LRRK1: variants seen among roughly 807,000 people sequenced by gnomAD.
LRRK1 encodes leucine rich repeat kinase 1.
In LRRK1, 113 loss-of-function variants were observed where a neutral mutation model predicts 209.1. The ratio of observed to expected loss-of-function variants is 0.54; its 90% CI spans 0.46 to 0.63. LRRK1 has a LOEUF of 0.63. Among genes scored for constraint, LRRK1 ranks in the 30% least tolerant of loss-of-function variants. LRRK1 has a pLI of 0.00. For synonymous variants in LRRK1, 1,144 were observed against 1,099.7 expected (o/e 1.04, Z -0.80); for missense variants, 2,284 against 2,632.2 (o/e 0.87, Z 2.89).
intron 2 of LRRK1, among the ~76,000 whole-genome samples, chr15:100,954,685 G>T (rs2042718510): frequency 1.3e-5 from 2 of 152,084 alleles, no homozygotes; most frequent in African/African-American, 4.8e-5. Flanking sequence ...ATAAGATATG[G>T]GTCCAATTTC....
rs917914001 is a variant in LRRK1, at chr15:101,021,288, T to G, written c.1739+106T>G. 4 of 1,268,422 alleles carry G rather than the reference T, an allele frequency of 3.2e-6. No individual in the cohort carries two copies. In the African/African-American group the frequency reaches 6.0e-5, roughly 19 times the overall value. The allele number at this position is 1,268,422 out of a possible 1,614,324, so 78.6% of individuals were successfully genotyped here. On this transcript the variant is annotated intron_variant, in intron 13 of 33. Coordinates refer to ENST00000388948, the MANE Select transcript of LRRK1 (RefSeq NM_024652.6). Reference sequence around the variant, plus strand: ...CAGAAAGCCAGGCAGAAAGAAGCCATCTACTTTCCAAGAAGCAGTAGTGAG... The same window carrying G: ...CAGAAAGCCAGGCAGAAAGAAGCCAGCTACTTTCCAAGAAGCAGTAGTGAG...
chr15:101,032,852 C>G (rs1046064673), intron 20 of LRRK1, among the ~76,000 whole-genome samples: 2 of 152,184 alleles, frequency 1.3e-5, no homozygotes, highest in African/African-American at 4.8e-5. Flanking sequence ...AATATATATG[C>G]CTATCCTTAT....
chr15:101,049,088 G>A (rs529520513), intron 22 of LRRK1, among the ~76,000 whole-genome samples: 7 of 152,296 alleles, frequency 4.6e-5, no homozygotes, highest in African/African-American at 1.4e-4. Flanking sequence ...AACCAGACAC[G>A]GAACTCAGCT....
intron 20 of LRRK1, among the ~76,000 whole-genome samples, chr15:101,033,696 T>G (rs922617363): frequency 6.6e-6 from 1 of 152,204 alleles, no homozygotes; most frequent in African/African-American, 2.4e-5. Flanking sequence ...GTTCCTTATC[T>G]TTGCTATTTT....
In LRRK1 at chr15:101,078,013, A is replaced by G; in HGVS notation, c.*9165A>G. The G allele has an allele frequency of 6.4e-6, 1 of 155,516 alleles. No homozygotes were observed. The highest frequency in any genetic ancestry group is 1.4e-5 in the Non-Finnish European group (1 of 70,378). 9.6% of individuals were successfully genotyped at this position (155,516 alleles called of 1,614,324 possible). A position where few individuals can be genotyped will look rare whatever the true frequency, so the allele number is the denominator to read the frequency against. ...AGTGTAAATGGCTGGTTCTTGCCTT[A>G]AGTGATGACATTACCTTGTGAAAGT... On this transcript the variant is annotated 3_prime_UTR_variant, in exon 34 of 34. Coordinates refer to ENST00000388948, the MANE Select transcript of LRRK1 (RefSeq NM_024652.6).
chr15:101,021,428 C>T (rs2033780345), intron 13 of LRRK1, among the ~76,000 whole-genome samples: 2 of 152,196 alleles, frequency 1.3e-5, no homozygotes, highest in African/African-American at 4.8e-5. Flanking sequence ...ACCACTCAAT[C>T]ATTCATCCTT....
rs1189823477 is a variant in LRRK1 at position 101,027,777 on chromosome 15, A to G, written c.2666A>G (p.Asp889Gly). The change falls in exon 19 of 34, where the codon GAC becomes GGC. Residue 889 changes from aspartate to glycine, a missense_variant. By Grantham distance (94) the Asp-to-Gly change is moderately conservative. Coordinates refer to ENST00000388948, the MANE Select transcript of LRRK1 (RefSeq NM_024652.6). This position sits in a 1 kb window ranked among gnomAD's most constrained non-coding sequence, Gnocchi z 5.1. ...VEQTPDNDIK[D>G]YEDLQSAISF... ...CAGACGCCCGACAACGACATCAAGG[A>G]CTACGAGGACCTGCAGTCAGGTGGG... The G allele has an allele frequency of 9.4e-6, 15 of 1,591,108 alleles. No homozygotes were observed. The highest frequency in any genetic ancestry group is 1.3e-5 in the Non-Finnish European group (15 of 1,168,798).
At chr15:101,023,235 A>C (rs551896131) in intron 15 of LRRK1, among the ~76,000 whole-genome samples, 2 of 152,130 alleles carry the variant, frequency 1.3e-5, no homozygotes, top group South Asian at 4.2e-4. Flanking sequence ...CTTAAAATGA[A>C]TCCATCACTG....
At chr15:101,032,110 GCTTTA>G (rs2034309739) in intron 20 of LRRK1, among the ~76,000 whole-genome samples, 2 of 152,142 alleles carry the variant, frequency 1.3e-5, no homozygotes, top group Admixed American at 6.5e-5. Flanking sequence ...CTTGACTGTG[GCTTTA>G]CTTTACATTT....
intron 4 of LRRK1, among the ~76,000 whole-genome samples, chr15:100,985,396 C>T (rs1047116898): frequency 4.6e-5 from 7 of 152,070 alleles, no homozygotes; most frequent in African/African-American, 1.7e-4. Flanking sequence ...CTGTGTAGAA[C>T]GTGAGAGACA....
intron 12 of LRRK1, among the ~76,000 whole-genome samples, chr15:101,016,813 G>A (rs550148861): frequency 3.9e-5 from 6 of 152,228 alleles, no homozygotes; most frequent in East Asian, 1.9e-4. Flanking sequence ...CATGGATCAC[G>A]GCCGCCTTTG....
Position 100,973,821 on chromosome 15 carries a change from G to C in LRRK1, c.115G>C (p.Gly39Arg), listed in dbSNP as rs1386565028. The change falls in exon 3 of 34, where the codon GGC becomes CGC. Residue 39 changes from glycine to arginine, a missense_variant. Physicochemically the swap from Gly to Arg is moderately radical, Grantham distance 125 (BLOSUM62 -2). Coordinates refer to ENST00000388948, the MANE Select transcript of LRRK1 (RefSeq NM_024652.6). The stretch of plus-strand genomic sequence containing the variant: ...CCGCGCAGGTGCCGGGGACACGGGC[G>C]GCAAGCCGTCCACGCGGGGCGGTGA... The part of the protein sequence containing the change: ...ETLNGAGDTG[G>R]KPSTRGGDPA... 1.5e-6 allele frequency: 2 copies of C among 1,292,202 alleles called. No individual in the cohort carries two copies. Among genetic ancestry groups the C allele is most frequent in the Admixed American group, 8.2e-5 (2 of 24,286 alleles). The allele number at this position is 1,292,202 out of a possible 1,614,324, so 80.0% of individuals were successfully genotyped here.
In LRRK1 at chr15:101,025,973, C is replaced by A. The variant is rs373323446; in HGVS notation, c.2241C>A (p.Ala747=). ...GGGGTTCTCTGTTGCAGGCCAAGGC[C>A]CCAAACGCCGTGGTGCTGGTGGTCG... ...QFWLLNIEAK[A]PNAVVLVVGT... Residue 747 remains alanine, a synonymous_variant, in exon 17 of 34, where the codon GCC becomes GCA. Coordinates refer to ENST00000388948, the MANE Select transcript of LRRK1 (RefSeq NM_024652.6). 1.2e-6 allele frequency: 2 copies of A among 1,614,172 alleles called. No individual in the cohort carries two copies. The highest frequency in any genetic ancestry group is 1.7e-6 in the Non-Finnish European group (2 of 1,180,028).
In LRRK1 at chr15:101,061,765, C is replaced by T. The variant is rs184556019; in HGVS notation, c.4797+477C>T. ...GGGGCTCACGCCTGTAATCCCAGCA[C>T]TTTGGGAGGCCAAGATAGGAGGATC... is the stretch of plus-strand genomic sequence containing the variant. On this transcript the variant is annotated intron_variant, in intron 30 of 33. Coordinates refer to ENST00000388948, the MANE Select transcript of LRRK1 (RefSeq NM_024652.6). Among the ~76,000 whole-genome samples the T allele has an allele frequency of 1.2e-4, 18 of 152,326 alleles. No individual in the cohort carries two copies. The East Asian group carries it at 2.5e-3, about 21-fold the overall frequency.
chr15:101,046,239 G>A (rs1322790568), intron 21 of LRRK1, 87 bp downstream of exon 21: 4 of 1,413,166 alleles, frequency 2.8e-6, no homozygotes, highest in Non-Finnish European at 3.9e-6. Context: ...CCTTTGCTGG[G>A]GGGCCCTGCC....
intron 2 of LRRK1, among the ~76,000 whole-genome samples, chr15:100,945,732 A>C (rs1341130376): frequency 6.6e-6 from 1 of 152,054 alleles, no homozygotes; most frequent in Non-Finnish European, 1.5e-5. Flanking sequence ...ATCTCAGGTG[A>C]TCCACCTGCC....
chr15:101,021,784 G>C, intron 13 of LRRK1, 61 bp from the exon 14 acceptor site: 1 of 37,724 alleles, frequency 2.7e-5, no homozygotes, highest in South Asian at 6.5e-4. Context: ...GCGTGTGTGT[G>C]TGTGTGTGTG....
rs373886784 is a variant in LRRK1, at chr15:100,983,497, T to A, written c.262-31T>A. 58 of 1,539,216 alleles carry A rather than the reference T, an allele frequency of 3.8e-5. No homozygotes were observed. In the African/African-American group the frequency reaches 7.4e-4, roughly 20 times the overall value. The stretch of plus-strand genomic sequence containing the variant: ...TCTTGGCAGTTCCTAATAGAGCCAG[T>A]CTCACTGGAGCCCTGTTCTGTTTTG... On this transcript the variant is annotated intron_variant, in intron 3 of 33. Coordinates refer to ENST00000388948, the MANE Select transcript of LRRK1 (RefSeq NM_024652.6).
Position 101,056,905 on chromosome 15 carries a change from AGC to A in LRRK1, c.4385_4386del (p.Arg1462ProfsTer44), listed in dbSNP as rs1210943169. ...GTGCTCTACGAGTTGCTGTCAGGAC[AGC>A]GCCCTGCACTGGGCCACCACCAGCT... On this transcript the variant is annotated frameshift_variant, in exon 28 of 34. Coordinates refer to ENST00000388948, the MANE Select transcript of LRRK1 (RefSeq NM_024652.6). LOFTEE classifies it high-confidence loss of function. The A allele has an allele frequency of 6.2e-7, 1 of 1,613,986 alleles. No individual in the cohort carries two copies. The highest frequency in any genetic ancestry group is 8.5e-7 in the Non-Finnish European group (1 of 1,179,950).
Sources: gnomAD v4.1 joint callset for allele counts (sites outside exome capture counted in the v4.1 genomes callset) on GRCh38, gnomAD v4.1.1 for gene constraint, Gnocchi (gnomAD v3.1) non-coding constraint, MANE v1.5 for transcripts, NCBI Gene and HGNC (gene_info 2026-07-23, HGNC 2026-07-21) for gene names.